The following GALNTL6 variants were observed in gnomAD, a reference collection of about 807,000 sequenced individuals.
The protein encoded by GALNTL6 is polypeptide N-acetylgalactosaminyltransferase like 6.
Under a neutral mutation model 73.7 loss-of-function variants are expected in GALNTL6, and 46 were observed. The observed-to-expected ratio is 0.62, with a 90% CI of 0.49 to 0.80. The LOEUF (loss-of-function observed/expected upper bound fraction) is 0.80, where lower values mean the gene tolerates loss of function less well. Among genes scored for constraint, GALNTL6 ranks in the 30% least tolerant of loss-of-function variants. The pLI is 0.00. For missense variants in GALNTL6, 604 were observed against 755.0 expected (o/e 0.80, Z 2.34); for synonymous variants, 259 against 263.7 (o/e 0.98, Z 0.17).
rs183838434 is a variant in GALNTL6 at position 172,724,038 on chromosome 4, A to C, written c.554-85323A>C. ...AAAATGTCAGGAAACCATGTGAAAC[A>C]CTGGAAAGATAGGTTGGCCTTGGTA... On this transcript the variant is annotated intron_variant, in intron 5 of 12. Transcript: ENST00000506823. 4.6e-5 allele frequency among the ~76,000 whole-genome samples: 7 copies of C among 152,300 alleles called. No homozygotes were observed. In the East Asian group the frequency reaches 1.2e-3, roughly 25 times the overall value.
chr4:172,280,203 A>T (rs79586662), intron 3 of GALNTL6, among the ~76,000 whole-genome samples: 1 of 152,206 alleles, frequency 6.6e-6, no homozygotes, highest in Non-Finnish European at 1.5e-5. Context: ...ATATCCTTAA[A>T]AATGCTTAAG....
chr4:172,311,405 C>T (rs1740352511), intron 3 of GALNTL6, among the ~76,000 whole-genome samples: 1 of 152,126 alleles, frequency 6.6e-6, no homozygotes, highest in Non-Finnish European at 1.5e-5. Context: ...TGTGAGATTA[C>T]ACTTTCTACT....
In GALNTL6 at chr4:172,603,390, C is replaced by T. The variant is rs376332813; in HGVS notation, c.554-205971C>T. Among the ~76,000 whole-genome samples the T allele has an allele frequency of 4.6e-4, 70 of 152,278 alleles. 1 individual carries two copies. The East Asian group carries it at 9.3e-3, about 20-fold the overall frequency. ...CATGTCACATGTGAGGCCATACCGT[C>T]CCACAGGCAGGCCATTTTACCAAGG... On this transcript the variant is annotated intron_variant, in intron 5 of 12. Coordinates refer to ENST00000506823, the MANE Select transcript of GALNTL6 (RefSeq NM_001034845.3).
chr4:172,810,687 C>T (rs1741244278), intron 6 of GALNTL6, among the ~76,000 whole-genome samples: 1 of 152,198 alleles, frequency 6.6e-6, no homozygotes, highest in African/African-American at 2.4e-5. Flanking sequence ...TGCCCAGCCA[C>T]ATACGCCTGC....
At chr4:173,004,805 G>A (rs920235968) in intron 10 of GALNTL6, among the ~76,000 whole-genome samples, 1 of 152,124 alleles carries the variant, frequency 6.6e-6, no homozygotes, top group African/African-American at 2.4e-5. Flanking sequence ...ACAAAGGATA[G>A]GACTGGTTCT....
At chr4:171,925,147 C>T (rs1468973848) in intron 2 of GALNTL6, among the ~76,000 whole-genome samples, 1 of 152,080 alleles carries the variant, frequency 6.6e-6, no homozygotes, top group Non-Finnish European at 1.5e-5. Context: ...GCATAGAGCT[C>T]CTGGTAAAGG....
intron 2 of GALNTL6, among the ~76,000 whole-genome samples, chr4:172,086,606 A>G (rs1380615817): frequency 6.6e-6 from 1 of 152,182 alleles, no homozygotes; most frequent in Non-Finnish European, 1.5e-5. Context: ...GTCATGATTT[A>G]TACCTCAATA....
chr4:172,090,010 G>C (rs1579127859), intron 2 of GALNTL6, among the ~76,000 whole-genome samples: 1 of 152,126 alleles, frequency 6.6e-6, no homozygotes, highest in Non-Finnish European at 1.5e-5. Flanking sequence ...CTTCATCCAT[G>C]TCCCTGCAAA....
At chr4:172,345,324 A>G (rs534482012) in intron 4 of GALNTL6, among the ~76,000 whole-genome samples, 3 of 152,294 alleles carry the variant, frequency 2.0e-5, no homozygotes, top group South Asian at 2.1e-4. Context: ...ACAGATATCA[A>G]TGTAAAAAGG....
At chr4:172,321,344 G>C (rs1429151827) in intron 4 of GALNTL6, among the ~76,000 whole-genome samples, 4 of 152,226 alleles carry the variant, frequency 2.6e-5, no homozygotes, top group Admixed American at 6.5e-5. Context: ...TCAGTACTTA[G>C]AGTTGCTAAA....
chr4:172,801,408 A>G (rs1182084802), intron 5 of GALNTL6, among the ~76,000 whole-genome samples: 1 of 151,948 alleles, frequency 6.6e-6, no homozygotes, highest in Non-Finnish European at 1.5e-5. Context: ...CTCTCCCCCT[A>G]CCTCTTACAC....
At chr4:173,012,824 C>T (rs1221828200) in intron 11 of GALNTL6, among the ~76,000 whole-genome samples, 1 of 152,164 alleles carries the variant, frequency 6.6e-6, no homozygotes, top group Non-Finnish European at 1.5e-5. Context: ...TCAGCAAATA[C>T]TAGTTATTAT....
intron 5 of GALNTL6, among the ~76,000 whole-genome samples, chr4:172,428,012 G>A (rs1233431634): frequency 3.3e-5 from 5 of 152,082 alleles, no homozygotes; most frequent in Non-Finnish European, 7.4e-5. Context: ...TCTATTTGTT[G>A]TCTGGGTATT....
At chr4:172,749,651 T>C (rs954025033) in intron 5 of GALNTL6, among the ~76,000 whole-genome samples, 28 of 152,144 alleles carry the variant, frequency 1.8e-4, no homozygotes, top group African/African-American at 6.5e-4. Context: ...ATTGGCTGTG[T>C]TTATTTTGAA....
intron 5 of GALNTL6, among the ~76,000 whole-genome samples, chr4:172,614,996 G>A (rs1042300320): frequency 6.6e-6 from 1 of 152,024 alleles, no homozygotes; most frequent in Non-Finnish European, 1.5e-5. Flanking sequence ...CATTCCTTAG[G>A]CATGTTCTAA....
In GALNTL6 at chr4:172,813,579, T is replaced by C. The variant is rs1347497840; in HGVS notation, c.779T>C (p.Met260Thr). 1 of 1,612,480 alleles carries C rather than the reference T, an allele frequency of 6.2e-7. No individual in the cohort carries two copies. Among genetic ancestry groups the C allele is most frequent in the Admixed American group, 1.7e-5 (1 of 59,976 alleles). The change falls in exon 7 of 13, where the codon ATG becomes ACG. Residue 260 changes from methionine (M) to threonine (T), a missense_variant. This residue lies in a region of GALNTL6 where 179 missense variants were observed against 230.8 expected (regional missense o/e 0.78). Coordinates refer to ENST00000506823, the MANE Select transcript of GALNTL6 (RefSeq NM_001034845.3). ...AACCACAAAACCATCGTGTGTCCCA[T>C]GATCGATGTCATTGACCACAATCAC... is the stretch of plus-strand genomic sequence containing the variant. ...ALNHKTIVCP[M>T]IDVIDHNHFG...
intron 5 of GALNTL6, among the ~76,000 whole-genome samples, chr4:172,645,595 A>G (rs1296179844): frequency 6.6e-6 from 1 of 151,952 alleles, no homozygotes; most frequent in Non-Finnish European, 1.5e-5. Context: ...AACATTTTCT[A>G]TCTCATCACT....
intron 5 of GALNTL6, among the ~76,000 whole-genome samples, chr4:172,590,012 C>T (rs1179388600): frequency 1.3e-5 from 2 of 152,174 alleles, no homozygotes; most frequent in Non-Finnish European, 2.9e-5. Flanking sequence ...GAAGGGGACT[C>T]AGAGGCCCAT....
chr4:172,183,426 C>G (rs1175305001), intron 2 of GALNTL6, among the ~76,000 whole-genome samples: 1 of 152,154 alleles, frequency 6.6e-6, no homozygotes, highest in Admixed American at 6.5e-5. Flanking sequence ...TCTGAAATGA[C>G]AAATTCAAAC....
Sources: allele counts gnomAD v4.1 joint callset (sites outside exome capture counted in the v4.1 genomes callset), GRCh38; gene constraint gnomAD v4.1.1; regional missense constraint gnomAD v4.1.1; transcripts MANE v1.5; gene names NCBI Gene and HGNC (gene_info 2026-07-23, HGNC 2026-07-21).